SLC5A8: variants seen among roughly 807,000 people sequenced by gnomAD.
SLC5A8 encodes solute carrier family 5 member 8.
Under a neutral mutation model 71.9 loss-of-function variants are expected in SLC5A8, and 55 were observed. The observed-to-expected ratio is 0.77, with a 90% CI of 0.62 to 0.96. SLC5A8 has a LOEUF of 0.96. SLC5A8 is among the 40% of genes least tolerant of loss of function. The pLI is 0.00. For missense variants in SLC5A8, 701 were observed against 745.3 expected, an observed-to-expected ratio of 0.94 and a Z score of 0.69; for synonymous variants, 307 against 276.1, an observed-to-expected ratio of 1.11 and a Z score of -1.11.
chr12:101,209,856 C>A lies in SLC5A8; in HGVS notation c.-8G>T, dbSNP rs367753463. 2.6e-6 allele frequency: 4 copies of A among 1,528,390 alleles called. No individual in the cohort carries two copies. The African/African-American group carries it at 4.1e-5, about 16-fold the overall frequency. The allele number at this position is 1,528,390 out of a possible 1,614,324, so 94.7% of individuals were successfully genotyped here. The stretch of plus-strand genomic sequence containing the variant: ...GCCCCGTGGCGTGTCCATGGCCGCA[C>A]GGTCGCCTGAGCCCTGCGCGCAAAC... On this transcript the variant is annotated 5_prime_UTR_variant, in exon 1 of 15. Transcript: ENST00000536262.
intron 3 of SLC5A8, among the ~76,000 whole-genome samples, chr12:101,200,210 T>A (rs114041396): frequency 0.011 from 1,651 of 151,600 alleles, 33 homozygotes; most frequent in African/African-American, 0.038. Flanking sequence ...ACTCAGAAAA[T>A]GATTTCTTGG....
chr12:101,168,158 C>A lies in SLC5A8; in HGVS notation c.1258G>T (p.Val420Phe). ...LQAALSVFGM[V>F]GGPLMGLFAL... ...AACAGGCCCATAAGTGGTCCACCAACCATACCAAATACGCTGAGTGCTGCC... is the reference window on the plus strand; with the variant it reads ...AACAGGCCCATAAGTGGTCCACCAAACATACCAAATACGCTGAGTGCTGCC... Residue 420 changes from valine to phenylalanine, a missense_variant, in exon 11 of 15, where the codon GTT becomes TTT. By Grantham distance (50) the Val-to-Phe change is conservative. Transcript: ENST00000536262. The A allele has an allele frequency of 5.6e-6, 9 of 1,609,486 alleles. No individual in the cohort carries two copies. The highest frequency in any genetic ancestry group is 6.8e-6 in the Non-Finnish European group (8 of 1,177,746).
rs1291643189 is a variant in SLC5A8 at position 101,182,913 on chromosome 12, G to C, written c.1055C>G (p.Thr352Arg). Reference sequence around the variant, plus strand: ...TAAGGCATTAATACTGGAGGACACTGTGCTGTAAGGGAAAATAAAACTTTT... The same window carrying C: ...TAAGGCATTAATACTGGAGGACACTCTGCTGTAAGGGAAAATAAAACTTTT... The part of the protein sequence containing the change: ...VACAYSGTLS[T>R]VSSSINALAA... Residue 352 changes from threonine (T) to arginine (R), a missense_variant and splice_region_variant, in exon 9 of 15, where the codon ACA becomes AGA. Physicochemically the swap from Thr to Arg is moderately conservative, Grantham distance 71. Transcript: ENST00000536262. The C allele has an allele frequency of 3.3e-6, 5 of 1,516,816 alleles. No individual in the cohort carries two copies. The highest frequency in any genetic ancestry group is 2.4e-5 in the Admixed American group (1 of 40,846). 94.0% of individuals were successfully genotyped at this position (1,516,816 alleles called of 1,614,324 possible).
chr12:101,189,380 A>T (rs966595319), intron 6 of SLC5A8, among the ~76,000 whole-genome samples: 7 of 152,302 alleles, frequency 4.6e-5, no homozygotes, highest in Middle Eastern at 3.4e-3. Context: ...GTAATCTCTA[A>T]ACCAATTTAC....
rs2051651063 is a variant in SLC5A8 at position 101,155,500 on chromosome 12, T to TTTC, written c.*1778_*1779insGAA. On this transcript the variant is annotated 3_prime_UTR_variant, in exon 15 of 15. Transcript: ENST00000536262. ...TCTTTTTTTTTTTTTTTTTTTTTTT[T>TTTC]CCCAGAGACAAGATTTCACTCTGTT... The TTTC allele has an allele frequency of 7.5e-6, 1 of 132,782 alleles. No homozygotes were observed. Among genetic ancestry groups the TTTC allele is most frequent in the South Asian group, 2.7e-4 (1 of 3,640 alleles). The allele number at this position is 132,782 out of a possible 1,614,324, so 8.2% of individuals were successfully genotyped here.
intron 1 of SLC5A8, among the ~76,000 whole-genome samples, chr12:101,209,228 G>A (rs140520577): frequency 6.6e-6 from 1 of 152,144 alleles, no homozygotes; most frequent in African/African-American, 2.4e-5. Context: ...GTTGCAATCC[G>A]TTCACTTTGG....
At chr12:101,185,333 C>A (rs1039093741) in intron 7 of SLC5A8, among the ~76,000 whole-genome samples, 7 of 152,264 alleles carry the variant, frequency 4.6e-5, no homozygotes, top group South Asian at 2.1e-4. Context: ...AAAGTAGGTT[C>A]CATCTATAGT....
chr12:101,186,814 T>C (rs1258840589), intron 7 of SLC5A8, among the ~76,000 whole-genome samples: 2 of 152,204 alleles, frequency 1.3e-5, no homozygotes, highest in African/African-American at 2.4e-5. Flanking sequence ...TTATTAGCAA[T>C]GTGACCTTGG....
intron 3 of SLC5A8, among the ~76,000 whole-genome samples, chr12:101,196,058 T>A (rs2671441): frequency 0.47 from 72,017 of 151,946 alleles, 17,412 homozygotes; most frequent in East Asian, 0.64. Context: ...ACATAGGTGA[T>A]CTTGTGTCAT....
rs537871943 is a variant in SLC5A8 at position 101,204,631 on chromosome 12, G to C, written c.352-66C>G. 2.7e-6 allele frequency: 3 copies of C among 1,117,508 alleles called. No homozygotes were observed. The African/African-American group carries it at 4.8e-5, about 18-fold the overall frequency. The allele number at this position is 1,117,508 out of a possible 1,614,324, so 69.2% of individuals were successfully genotyped here. On this transcript the variant is annotated intron_variant, in intron 1 of 14. Transcript: ENST00000536262. ...TTTTTTAAAATCAGCAGCTCAAGAA[G>C]AAAATTTAAATTTAGAAATGTAAAG...
Position 101,168,159 on chromosome 12 carries a change from C to T in SLC5A8, c.1257G>A (p.Met419Ile), listed in dbSNP as rs1566308098. The T allele has an allele frequency of 6.2e-7, 1 of 1,609,240 alleles. No individual in the cohort carries two copies. Among genetic ancestry groups the T allele is most frequent in the East Asian group, 2.2e-5 (1 of 44,804 alleles). ...LLQAALSVFG[M>I]VGGPLMGLFA... ...ACAGGCCCATAAGTGGTCCACCAAC[C>T]ATACCAAATACGCTGAGTGCTGCCT... The change falls in exon 11 of 15, where the codon ATG becomes ATA. Residue 419 changes from methionine to isoleucine, a missense_variant. Coordinates refer to ENST00000536262, the MANE Select transcript of SLC5A8 (RefSeq NM_145913.5).
chr12:101,187,649 A>G, intron 6 of SLC5A8, 134 bp from the exon 7 acceptor site: 3 of 947,640 alleles, frequency 3.2e-6, no homozygotes, highest in Non-Finnish European at 4.4e-6. Context: ...ATTATCGAAA[A>G]CTCTACTTAT....
rs1002160728 is a variant in SLC5A8 at position 101,157,173 on chromosome 12, C to T, written c.*106G>A. 62 of 1,361,810 alleles carry T rather than the reference C, an allele frequency of 4.6e-5. No homozygotes were observed. The East Asian group carries it at 1.4e-3, about 31-fold the overall frequency. 84.4% of individuals were successfully genotyped at this position (1,361,810 alleles called of 1,614,324 possible). A position where few individuals can be genotyped will look rare whatever the true frequency, so the allele number is the denominator to read the frequency against. On this transcript the variant is annotated 3_prime_UTR_variant, in exon 15 of 15. Coordinates refer to ENST00000536262, the MANE Select transcript of SLC5A8 (RefSeq NM_145913.5). ...TTAACAAAAACTTATCCCCCAAACA[C>T]TCATGATACAACACACACACACACA...
chr12:101,174,232 T>A (rs1270916840), intron 10 of SLC5A8, among the ~76,000 whole-genome samples: 1 of 152,188 alleles, frequency 6.6e-6, no homozygotes, highest in Admixed American at 6.5e-5. Context: ...TGTTCAGAGG[T>A]TGTAGGTGGA....
rs1220705358 is a variant in SLC5A8, at chr12:101,166,669, CA to C, written c.1350del (p.Phe450LeufsTer40). ...IGALVGLMAGFAISLWVGIGA... is the reference protein window; with the variant it reads ...IGALVGLMAGXAISLWVGIGA... The stretch of plus-strand genomic sequence containing the variant: ...CCAATTCCAACCCATAGAGAAATGG[CA>C]AATCCAGCCATCAGACCAACAAGTG... On this transcript the variant is annotated frameshift_variant, in exon 12 of 15. Coordinates refer to ENST00000536262, the MANE Select transcript of SLC5A8 (RefSeq NM_145913.5). LOFTEE classifies it high-confidence loss of function. The C allele has an allele frequency of 6.2e-7, 1 of 1,611,868 alleles. No homozygotes were observed.
chr12:101,182,652 T>C, intron 9 of SLC5A8, 151 bp downstream of exon 9: 1 of 546,620 alleles, frequency 1.8e-6, no homozygotes, highest in Non-Finnish European at 3.2e-6. Context: ...ACAAACATTT[T>C]TTAAAAATCT....
Position 101,210,137 on chromosome 12 carries a change from C to A in SLC5A8, c.-289G>T. 2.5e-6 allele frequency: 1 copy of A among 397,766 alleles called. No homozygotes were observed. 24.6% of individuals were successfully genotyped at this position (397,766 alleles called of 1,614,324 possible). On this transcript the variant is annotated 5_prime_UTR_variant, in exon 1 of 15. Coordinates refer to ENST00000536262, the MANE Select transcript of SLC5A8 (RefSeq NM_145913.5). ...TCACCACGTGAGGAACTGGAGTGGC[C>A]GAGTTCGCCAAGGCGCCGGGGACAC...
intron 14 of SLC5A8, 118 bp from the exon 15 acceptor site, chr12:101,157,519 A>C: frequency 1.6e-6 from 2 of 1,253,926 alleles, no homozygotes; most frequent in Non-Finnish European, 2.2e-6. Flanking sequence ...TAATCTACTG[A>C]GGGAGAGAAA....
chr12:101,162,440 C>A (rs1254500125), intron 12 of SLC5A8, among the ~76,000 whole-genome samples: 2 of 152,168 alleles, frequency 1.3e-5, no homozygotes, highest in African/African-American at 4.8e-5. Flanking sequence ...GACACGTGCA[C>A]TTATATGTTC....
Sources: allele counts gnomAD v4.1 joint callset (sites outside exome capture counted in the v4.1 genomes callset), GRCh38; gene constraint gnomAD v4.1.1; transcripts MANE v1.5; gene names NCBI Gene and HGNC (gene_info 2026-07-23, HGNC 2026-07-21).